Variants in PSMA1 observed in about 807,000 individuals in gnomAD.
PSMA1 encodes the protein proteasome subunit alpha type-1.
A neutral mutation model predicts 38.4 loss-of-function variants in PSMA1; 3 were observed. The ratio of observed to expected loss-of-function variants is 0.08; its 90% CI spans 0.04 to 0.20. The LOEUF (loss-of-function observed/expected upper bound fraction) is 0.20, where lower values mean the gene tolerates loss of function less well. Among genes scored for constraint, PSMA1 ranks in the 10% least tolerant of loss-of-function variants. The probability of loss-of-function intolerance (pLI) is 1.00; values close to 1 mark genes in which losing one functional copy is unlikely to be tolerated. For synonymous variants in PSMA1, 101 were observed against 107.1 expected (o/e 0.94, Z 0.35); for missense variants, 227 against 325.3 (o/e 0.70, Z 2.32).
At chr11:14,575,414 C>G (rs1042800077) in intron 2 of PSMA1, among the ~76,000 whole-genome samples, 8 of 151,920 alleles carry the variant, frequency 5.3e-5, no homozygotes, top group African/African-American at 1.9e-4. Context: ...CCCCCCTACC[C>G]CCACCCCACC....
At chr11:14,585,246 A>T (rs533897775) in intron 2 of PSMA1, among the ~76,000 whole-genome samples, 19 of 152,250 alleles carry the variant, frequency 1.2e-4, no homozygotes, top group African/African-American at 4.6e-4. Flanking sequence ...CAAAGGTATA[A>T]CATTTTCTTT....
At chr11:14,509,478 T>C (rs1565031370) in intron 8 of PSMA1, among the ~76,000 whole-genome samples, 1 of 151,818 alleles carries the variant, frequency 6.6e-6, no homozygotes, top group Non-Finnish European at 1.5e-5. Context: ...CCACTATCTA[T>C]CTACCCCTAC....
At chr11:14,546,736 C>A (rs150747744) in intron 2 of PSMA1, among the ~76,000 whole-genome samples, 236 of 152,236 alleles carry the variant, frequency 1.6e-3, no homozygotes, top group African/African-American at 5.2e-3. Flanking sequence ...ACATCCAGCC[C>A]AGGAAATGGG....
At chr11:14,635,076 G>A (rs1234636263) in intron 1 of PSMA1, among the ~76,000 whole-genome samples, 9 of 152,202 alleles carry the variant, frequency 5.9e-5, no homozygotes, top group Non-Finnish European at 5.9e-5. Flanking sequence ...TTTGTTTAAA[G>A]AGAGTGGCTT....
At chr11:14,521,104 T>C (rs1435894679), upstream of PSMA1, among the ~76,000 whole-genome samples, 1 of 55,814 alleles carries the variant, frequency 1.8e-5, no homozygotes, top group African/African-American at 7.4e-5. Flanking sequence ...ATCTATTTCG[T>C]CTTTTGAGAG....
At chr11:14,550,613 C>T (rs529415428) in intron 2 of PSMA1, among the ~76,000 whole-genome samples, 14 of 151,970 alleles carry the variant, frequency 9.2e-5, no homozygotes, top group African/African-American at 3.4e-4. Context: ...AGAAAAAAAA[C>T]ATTGAAAAGA....
intron 2 of PSMA1, among the ~76,000 whole-genome samples, chr11:14,600,255 TG>T (rs1200367557): frequency 6.6e-6 from 1 of 152,220 alleles, no homozygotes; most frequent in African/African-American, 2.4e-5. Flanking sequence ...AACGCTATGC[TG>T]GGAGAACCAC....
At chr11:14,622,851 A>C (rs932633341) in intron 1 of PSMA1, among the ~76,000 whole-genome samples, 1 of 152,200 alleles carries the variant, frequency 6.6e-6, no homozygotes, top group African/African-American at 2.4e-5. Context: ...GCAGTGTCTT[A>C]CGGCAAGTAT....
intron 2 of PSMA1, among the ~76,000 whole-genome samples, chr11:14,581,072 C>A (rs1011915167): frequency 6.6e-6 from 1 of 152,068 alleles, no homozygotes; most frequent in African/African-American, 2.4e-5. Context: ...TATGAGAGAA[C>A]CTTTAGAAAG....
At chr11:14,575,870 C>T (rs1304245656) in intron 2 of PSMA1, among the ~76,000 whole-genome samples, 1 of 152,192 alleles carries the variant, frequency 6.6e-6, no homozygotes, top group Non-Finnish European at 1.5e-5. Context: ...GTTTACAGTC[C>T]CACCAGCAAT....
intron 2 of PSMA1, among the ~76,000 whole-genome samples, chr11:14,557,240 T>C (rs1851950562): frequency 1.3e-5 from 2 of 152,176 alleles, no homozygotes; most frequent in South Asian, 4.1e-4. Flanking sequence ...CTTTATCTTT[T>C]AATTTTTCTT....
At chr11:14,571,310 G>A (rs755824982) in intron 2 of PSMA1, among the ~76,000 whole-genome samples, 5 of 152,138 alleles carry the variant, frequency 3.3e-5, no homozygotes, top group East Asian at 1.9e-4. Flanking sequence ...TGATCTGCCC[G>A]CCTTGGCCTC....
intron 2 of PSMA1, among the ~76,000 whole-genome samples, chr11:14,545,804 A>G (rs1851819634): frequency 6.6e-6 from 1 of 152,244 alleles, no homozygotes; most frequent in Non-Finnish European, 1.5e-5. Flanking sequence ...GAAAGTCATA[A>G]GGACTGCTAA....
At chr11:14,566,997 T>C (rs1852080083) in intron 2 of PSMA1, among the ~76,000 whole-genome samples, 1 of 152,142 alleles carries the variant, frequency 6.6e-6, no homozygotes, top group Non-Finnish European at 1.5e-5. Flanking sequence ...AGAGTCAGGC[T>C]GGAATCAGTG....
chr11:14,603,950 C>A, intron 2 of PSMA1, among the ~76,000 whole-genome samples: 1 of 152,196 alleles, frequency 6.6e-6, no homozygotes, highest in East Asian at 1.9e-4. Context: ...AAGACTGATG[C>A]TTAACTCTCT....
chr11:14,597,689 C>A (rs553283778), intron 2 of PSMA1, among the ~76,000 whole-genome samples: 1 of 152,050 alleles, frequency 6.6e-6, no homozygotes, highest in South Asian at 2.1e-4. Context: ...TGATCTTTTT[C>A]AAAAAACCAG....
At chr11:14,531,033 A>C (rs2134159219) in intron 2 of PSMA1, among the ~76,000 whole-genome samples, 1 of 152,262 alleles carries the variant, frequency 6.6e-6, no homozygotes, top group East Asian at 1.9e-4. Flanking sequence ...TCTAGTAGAT[A>C]GTTTTATCTG....
At chr11:14,555,131 C>G (rs1851928770) in intron 2 of PSMA1, among the ~76,000 whole-genome samples, 1 of 152,206 alleles carries the variant, frequency 6.6e-6, no homozygotes, top group African/African-American at 2.4e-5. Context: ...TTTAGGAGAA[C>G]AGATGGGAGA....
At chr11:14,509,983 A>G in intron 8 of PSMA1, among the ~76,000 whole-genome samples, 1 of 152,160 alleles carries the variant, frequency 6.6e-6, no homozygotes, top group East Asian at 1.9e-4. Flanking sequence ...TTGGTCTCCC[A>G]AAGTGCTGGG....
Sources: allele counts gnomAD v4.1 joint callset (sites outside exome capture counted in the v4.1 genomes callset), GRCh38; gene constraint gnomAD v4.1.1; transcripts MANE v1.5; gene names NCBI Gene and HGNC (gene_info 2026-07-23, HGNC 2026-07-21).